The following MORN1 variants were observed in gnomAD, a reference collection of about 807,000 sequenced individuals.
MORN1 encodes MORN repeat-containing protein 1.
In MORN1, 67 loss-of-function variants were observed where a neutral mutation model predicts 61.9. The observed-to-expected ratio is 1.08, with a 90% CI of 0.89 to 1.33. MORN1 has a LOEUF of 1.33. MORN1 is among the 40% of genes most tolerant of loss of function. The pLI is 0.00. For missense variants in MORN1, 752 were observed against 691.2 expected, an observed-to-expected ratio of 1.09 and a Z score of -0.99; for synonymous variants, 301 against 292.0, an observed-to-expected ratio of 1.03 and a Z score of -0.31.
intron 8 of MORN1, among the ~76,000 whole-genome samples, chr1:2,367,621 C>G (rs1642024753): frequency 6.6e-6 from 1 of 152,144 alleles, no homozygotes; most frequent in Non-Finnish European, 1.5e-5. Context: ...GTTCACAGTC[C>G]TAAATGTAAG....
chr1:2,379,350 C>T (rs928872821), intron 6 of MORN1: 5 of 358,002 alleles, frequency 1.4e-5, no homozygotes, highest in Non-Finnish European at 2.2e-5. Context: ...TAAAAATAAA[C>T]GAACAGCCGG....
chr1:2,354,046 G>C (rs1641708378), intron 10 of MORN1, among the ~76,000 whole-genome samples: 1 of 150,940 alleles, frequency 6.6e-6, no homozygotes, highest in Non-Finnish European at 1.5e-5. Flanking sequence ...GCACTTTGAG[G>C]GGCCAAGGCG....
At chr1:2,385,293 G>A (rs1039442492) in intron 5 of MORN1, 4 of 577,214 alleles carry the variant, frequency 6.9e-6, no homozygotes, top group African/African-American at 5.6e-5. Context: ...GGCCTGCTCG[G>A]GACGCACTCA....
rs1383232634 is a variant in MORN1, at chr1:2,385,244, C to T, written c.450-179G>A. On this transcript the variant is annotated intron_variant, in intron 5 of 13. Coordinates refer to ENST00000378531, the MANE Select transcript of MORN1 (RefSeq NM_024848.3). ...GGGCCAGCTGGGGGCCGACGACAGG[C>T]GGTGGGGACACGTCCGCCCACCCCC... 8.7e-5 allele frequency: 55 copies of T among 628,890 alleles called. 4 individuals are homozygous for T. In the South Asian group the frequency reaches 1.0e-3, roughly 12 times the overall value. The allele number at this position is 628,890 out of a possible 1,614,324, so 39.0% of individuals were successfully genotyped here. A position where few individuals can be genotyped will look rare whatever the true frequency, so the allele number is the denominator to read the frequency against.
chr1:2,323,100 G>A, intron 13 of MORN1: 1 of 985,408 alleles, frequency 1.0e-6, no homozygotes, highest in Non-Finnish European at 1.2e-6. Context: ...GCCGATTCCT[G>A]TCACTGCAGA....
At chr1:2,388,406 T>C (rs917266412) in intron 2 of MORN1, 69 bp from the exon 3 acceptor site, 112 of 1,246,664 alleles carry the variant, frequency 9.0e-5, no homozygotes, top group Non-Finnish European at 6.2e-5. Context: ...CTGTGCAGTG[T>C]TGGGCCTGTT....
chr1:2,388,182 A>C, intron 3 of MORN1, 57 bp downstream of exon 3: 1 of 1,408,824 alleles, frequency 7.1e-7, no homozygotes, highest in Non-Finnish European at 1.0e-6. Context: ...CGGCGGACCA[A>C]CTGAGCCCGA....
At chr1:2,370,148 TAGAC>T (rs1642082445) in intron 8 of MORN1, among the ~76,000 whole-genome samples, 1 of 152,208 alleles carries the variant, frequency 6.6e-6, no homozygotes, top group Non-Finnish European at 1.5e-5. Flanking sequence ...TAAATCAGGA[TAGAC>T]AGATCAGTGG....
chr1:2,358,600 C>T lies in MORN1; in HGVS notation c.861G>A (p.Gln287=). 2 of 1,614,092 alleles carry T rather than the reference C, an allele frequency of 1.2e-6. No homozygotes were observed. Among genetic ancestry groups the T allele is most frequent in the Non-Finnish European group, 1.7e-6 (2 of 1,179,980 alleles). Residue 287 remains glutamine, a synonymous_variant, in exon 9 of 14, where the codon CAG becomes CAA. Transcript: ENST00000378531. ...GTGTCACACGTACTCACAATGGGGT[C>T]TGGATGAGTGTCTCTTGGTTGTCTC... ...VDRDNQETLI[Q]TPFGFECIPY... is the part of the protein sequence containing the mutation.
chr1:2,372,412 A>T lies in MORN1; in HGVS notation c.745+69T>A. The T allele has an allele frequency of 1.6e-6, 2 of 1,244,368 alleles. No homozygotes were observed. Among genetic ancestry groups the T allele is most frequent in the South Asian group, 1.3e-5 (1 of 74,986 alleles). 77.1% of individuals were successfully genotyped at this position (1,244,368 alleles called of 1,614,324 possible). ...CATGCAACATCTCGTCCGCATCTTC[A>T]CTGCTTAAGAACCTGCTGCCTGTTT... On this transcript the variant is annotated intron_variant, in intron 8 of 13. Coordinates refer to ENST00000378531, the MANE Select transcript of MORN1 (RefSeq NM_024848.3). The surrounding 1 kb of genome is among the most constrained non-coding windows in gnomAD (Gnocchi z 5.4).
chr1:2,324,408 C>T (rs1640952418), intron 12 of MORN1, among the ~76,000 whole-genome samples: 2 of 152,196 alleles, frequency 1.3e-5, no homozygotes. Flanking sequence ...GGCCTTGGAG[C>T]AGGAGTGGGA....
chr1:2,344,995 T>A (rs575923292), intron 10 of MORN1, among the ~76,000 whole-genome samples: 6 of 150,588 alleles, frequency 4.0e-5, no homozygotes, highest in African/African-American at 1.5e-4. Flanking sequence ...GAAAACGGCG[T>A]CAGCCTCCGG....
At chr1:2,390,462 T>C in intron 1 of MORN1, 1 of 985,374 alleles carries the variant, frequency 1.0e-6, no homozygotes, top group East Asian at 1.1e-4. Context: ...TCCACACTCA[T>C]ACCCAAGGAT....
At position 2,357,685 on chromosome 1, in the gene MORN1, T is replaced by G. The variant is rs1641805929; in HGVS notation, c.870-87A>C. 5 of 1,455,934 alleles carry G rather than the reference T, an allele frequency of 3.4e-6. No homozygotes were observed. Among genetic ancestry groups the G allele is most frequent in the Non-Finnish European group, 4.6e-6 (5 of 1,092,928 alleles). 90.2% of individuals were successfully genotyped at this position (1,455,934 alleles called of 1,614,324 possible). On this transcript the variant is annotated intron_variant, in intron 9 of 13. Coordinates refer to ENST00000378531, the MANE Select transcript of MORN1 (RefSeq NM_024848.3). The surrounding 1 kb of genome is among the most constrained non-coding windows in gnomAD (Gnocchi z 6.3). ...ACAGCGTGGCCCACGCCCTGGACCC[T>G]GGGACTTGCCTACACTGAGTCCAGG... is the stretch of plus-strand genomic sequence containing the variant.
At chr1:2,335,828 T>TAGCCCAGCCCAGCCCAGCCCGGCCC (rs58763089) in intron 12 of MORN1, among the ~76,000 whole-genome samples, 2 of 143,014 alleles carry the variant, frequency 1.4e-5, no homozygotes, top group African/African-American at 6.1e-5. Context: ...CTCGCCTCCA[T>TAGCCCAGCCCAGCCCAGCCCGGCCC]AGCCCAGCCC....
rs1487725344 is a variant in MORN1, at chr1:2,334,943, G to T, written c.1250+1526C>A. Reference sequence around the variant, plus strand: ...GCGTTCGGGTCTGTGTGAGTCTGTGGGAGTGACAGAATGTCTCGGCTTTTG... The same window carrying T: ...GCGTTCGGGTCTGTGTGAGTCTGTGTGAGTGACAGAATGTCTCGGCTTTTG... On this transcript the variant is annotated intron_variant, in intron 12 of 13. Coordinates refer to ENST00000378531, the MANE Select transcript of MORN1 (RefSeq NM_024848.3). The surrounding 1 kb of genome is among the most constrained non-coding windows in gnomAD (Gnocchi z 5.4). Among the ~76,000 whole-genome samples, 1 of 152,232 alleles carries T rather than the reference G, an allele frequency of 6.6e-6. No individual in the cohort carries two copies. Among genetic ancestry groups the T allele is most frequent in the African/African-American group, 2.4e-5 (1 of 41,460 alleles).
chr1:2,378,701 G>A (rs545245057), intron 6 of MORN1: 7 of 354,262 alleles, frequency 2.0e-5, no homozygotes, highest in Admixed American at 7.6e-5. Flanking sequence ...GCACACACAC[G>A]TGTGGCCTCT....
chr1:2,387,103 C>T, intron 4 of MORN1: 1 of 399,664 alleles, frequency 2.5e-6, no homozygotes, highest in South Asian at 3.0e-5. Flanking sequence ...GGGCCCAGGC[C>T]AACCTACTGA....
intron 6 of MORN1, 27 bp from the exon 7 acceptor site, chr1:2,374,584 C>A: frequency 6.4e-7 from 1 of 1,562,222 alleles, no homozygotes. Context: ...GAGGCTCAGG[C>A]TGGTGGCTCC....
Sources: allele counts gnomAD v4.1 joint callset (sites outside exome capture counted in the v4.1 genomes callset), GRCh38; gene constraint gnomAD v4.1.1; non-coding constraint Gnocchi (gnomAD v3.1); transcripts MANE v1.5; gene names NCBI Gene and HGNC (gene_info 2026-07-23, HGNC 2026-07-21).